Variants in ACTR3C observed in about 807,000 individuals in gnomAD.
The protein encoded by ACTR3C is actin related protein 3C.
Under a neutral mutation model 26.3 loss-of-function variants are expected in ACTR3C, and 18 were observed. The ratio of observed to expected loss-of-function variants is 0.68; its 90% CI spans 0.47 to 1.01. The LOEUF (loss-of-function observed/expected upper bound fraction) is 1.01, where lower values mean the gene tolerates loss of function less well. ACTR3C is among the 50% of genes least tolerant of loss of function. The probability of loss-of-function intolerance (pLI) is 0.00; values close to 1 mark genes in which losing one functional copy is unlikely to be tolerated. For missense variants in ACTR3C, 184 were observed against 250.7 expected (o/e 0.73, Z 1.80); for synonymous variants, 55 against 94.5 (o/e 0.58, Z 2.42).
chr7:150,257,227 G>A (rs543191043), intron 6 of ACTR3C, among the ~76,000 whole-genome samples: 30 of 152,284 alleles, frequency 2.0e-4, no homozygotes, highest in Admixed American at 1.1e-3. Context: ...CTGTTGAGTC[G>A]TTAATGGGTA....
At chr7:150,289,708 AG>A (rs1836082016) in intron 3 of ACTR3C, 115 bp from the exon 4 acceptor site, 1 of 1,528,954 alleles carries the variant, frequency 6.5e-7, no homozygotes, top group Non-Finnish European at 8.8e-7. Context: ...GGCACTGACA[AG>A]CATTGACAGA....
chr7:150,176,101 A>C, the ACTR3C span, among the ~76,000 whole-genome samples: 2 of 150,752 alleles, frequency 1.3e-5, no homozygotes, highest in Admixed American at 1.3e-4. Flanking sequence ...CCCCAACAAA[A>C]ATACATGGCA....
the ACTR3C span, among the ~76,000 whole-genome samples, chr7:149,966,669 A>G: frequency 6.6e-6 from 1 of 152,036 alleles, no homozygotes; most frequent in Admixed American, 6.6e-5. Context: ...AAGTCCCATC[A>G]AGACCCATTT....
chr7:150,238,981 T>C (rs1832026756), downstream of ACTR3C, among the ~76,000 whole-genome samples: 1 of 151,692 alleles, frequency 6.6e-6, no homozygotes, highest in African/African-American at 2.4e-5. Flanking sequence ...ATTAATTAAA[T>C]GTTAAAATTA....
At chr7:150,253,935 C>T (rs1295852701) in intron 6 of ACTR3C, among the ~76,000 whole-genome samples, 2 of 151,310 alleles carry the variant, frequency 1.3e-5, no homozygotes, top group Non-Finnish European at 2.9e-5. Context: ...CCAGCATTTT[C>T]ACTGGTATCA....
chr7:149,928,088 CA>C, the ACTR3C span, among the ~76,000 whole-genome samples: 1 of 152,074 alleles, frequency 6.6e-6, no homozygotes, highest in African/African-American at 2.4e-5. Flanking sequence ...CACTGCCTAG[CA>C]AAATTACATA....
rs1191794090 is a variant in ACTR3C at position 150,247,231 on chromosome 7, T to C, written c.*377A>G. ...AAACAGTGACCTCAATAACCATTTA[T>C]TTCTGGCACAGCTTTCCCTCTCTCT... On this transcript the variant is annotated 3_prime_UTR_variant, in exon 8 of 8. Coordinates refer to ENST00000683684, the MANE Select transcript of ACTR3C (RefSeq NM_001164458.2). The C allele has an allele frequency of 6.6e-6, 1 of 152,268 alleles. No individual in the cohort carries two copies. Among genetic ancestry groups the C allele is most frequent in the Non-Finnish European group, 1.5e-5 (1 of 68,056 alleles). The allele number at this position is 152,268 out of a possible 1,614,324, so 9.4% of individuals were successfully genotyped here. A position where few individuals can be genotyped will look rare whatever the true frequency, so the allele number is the denominator to read the frequency against.
At chr7:150,271,537 A>C (rs1367895486) in intron 6 of ACTR3C, among the ~76,000 whole-genome samples, 1 of 150,098 alleles carries the variant, frequency 6.7e-6, no homozygotes, top group South Asian at 2.1e-4. Context: ...ATGGCTTCAT[A>C]GTATTCCATG....
chr7:150,196,373 A>C, the ACTR3C span, among the ~76,000 whole-genome samples: 1 of 152,184 alleles, frequency 6.6e-6, no homozygotes, highest in Non-Finnish European at 1.5e-5. Context: ...ATGGTTTTTA[A>C]TCTACTGATG....
At chr7:150,036,906 A>G in the ACTR3C span, among the ~76,000 whole-genome samples, 7,911 of 82,118 alleles carry the variant, frequency 0.096, 852 homozygotes, top group African/African-American at 0.18. Flanking sequence ...CCTCGCGGGG[A>G]GTGCCTCCCC....
intron 6 of ACTR3C, among the ~76,000 whole-genome samples, chr7:150,281,032 G>T (rs1295214885): frequency 2.0e-5 from 3 of 152,146 alleles, no homozygotes; most frequent in Non-Finnish European, 4.4e-5. Flanking sequence ...CACCCACTCT[G>T]TTGGTCTATG....
intron 3 of ACTR3C, among the ~76,000 whole-genome samples, chr7:150,291,000 A>T (rs1427641763): frequency 2.0e-5 from 3 of 152,208 alleles, no homozygotes; most frequent in African/African-American, 7.2e-5. Context: ...AAGAGAAAAA[A>T]ACTAGGGTTA....
chr7:149,937,473 A>G, the ACTR3C span, among the ~76,000 whole-genome samples: 1 of 152,104 alleles, frequency 6.6e-6, no homozygotes, highest in African/African-American at 2.4e-5. Flanking sequence ...ATACGTATTT[A>G]TTTCCTCTTT....
At chr7:150,080,166 A>G in the ACTR3C span, among the ~76,000 whole-genome samples, 1 of 151,254 alleles carries the variant, frequency 6.6e-6, no homozygotes, top group Admixed American at 6.6e-5. Context: ...ACTACCTGAG[A>G]CTCTAGGCTA....
chr7:150,266,431 A>G (rs1274111169), intron 6 of ACTR3C, among the ~76,000 whole-genome samples: 1 of 151,400 alleles, frequency 6.6e-6, no homozygotes, highest in African/African-American at 2.4e-5. Context: ...AATTAACTCA[A>G]AATTTATCAC....
chr7:149,970,563 TTCTC>T, the ACTR3C span, among the ~76,000 whole-genome samples: 1 of 152,198 alleles, frequency 6.6e-6, no homozygotes. Context: ...AGCACCACTC[TTCTC>T]TCTCTAATGA....
At chr7:149,958,960 A>C in the ACTR3C span, among the ~76,000 whole-genome samples, 1 of 152,214 alleles carries the variant, frequency 6.6e-6, no homozygotes, top group Non-Finnish European at 1.5e-5. Context: ...ACATCAGTGT[A>C]TTCTTATGAG....
rs1440552636 is a variant in ACTR3C, at chr7:150,274,698, G to T, written c.564+10055C>A. Among the ~76,000 whole-genome samples the T allele has an allele frequency of 6.6e-6, 1 of 152,222 alleles. No individual in the cohort carries two copies. Among genetic ancestry groups the T allele is most frequent in the Non-Finnish European group, 1.5e-5 (1 of 68,040 alleles). ...AGTCACGATGCTAGGAAGCGGCTCA[G>T]CCCACGTGGAGACCCACGCAGCTTG... is the stretch of plus-strand genomic sequence containing the variant. On this transcript the variant is annotated intron_variant, in intron 6 of 7. Coordinates refer to ENST00000683684, the MANE Select transcript of ACTR3C (RefSeq NM_001164458.2). This position sits in a 1 kb window ranked among gnomAD's most constrained non-coding sequence, Gnocchi z 4.1.
chr7:149,944,552 C>T, the ACTR3C span, among the ~76,000 whole-genome samples: 1 of 150,354 alleles, frequency 6.7e-6, no homozygotes. Context: ...TCTCTCCATC[C>T]TGATGGTAAC....
Sources: allele counts gnomAD v4.1 joint callset (sites outside exome capture counted in the v4.1 genomes callset), GRCh38; gene constraint gnomAD v4.1.1; non-coding constraint Gnocchi (gnomAD v3.1); transcripts MANE v1.5; gene names NCBI Gene and HGNC (gene_info 2026-07-23, HGNC 2026-07-21).